Variants in SNX25 observed in about 807,000 individuals in gnomAD.
SNX25 encodes the protein sorting nexin-25.
SNX25 carries 62 observed loss-of-function variants against 113.7 expected under a neutral mutation model. The observed-to-expected ratio is 0.55, with a 90% CI of 0.44 to 0.67. SNX25 has a LOEUF of 0.67. Ranked by LOEUF, SNX25 falls within the 30% of genes least tolerant of loss-of-function variation. The probability of loss-of-function intolerance (pLI) is 0.00; values close to 1 mark genes in which losing one functional copy is unlikely to be tolerated. For missense variants in SNX25, 1,014 were observed against 1,161.0 expected, an observed-to-expected ratio of 0.87 and a Z score of 1.84; for synonymous variants, 421 against 436.2, an observed-to-expected ratio of 0.97 and a Z score of 0.43.
chr4:185,337,772 T>C (rs2095239330), intron 10 of SNX25, among the ~76,000 whole-genome samples: 1 of 152,248 alleles, frequency 6.6e-6, no homozygotes, highest in Admixed American at 6.5e-5. Context: ...GTTATTTTCT[T>C]ATTTCATAAC....
At chr4:185,276,522 C>T (rs1437273154) in intron 5 of SNX25, among the ~76,000 whole-genome samples, 6 of 152,134 alleles carry the variant, frequency 3.9e-5, no homozygotes, top group African/African-American at 1.2e-4. Flanking sequence ...TAATGGAGAA[C>T]GTGGCCTATA....
At chr4:185,318,180 T>G (rs954280026) in intron 7 of SNX25, among the ~76,000 whole-genome samples, 1 of 152,182 alleles carries the variant, frequency 6.6e-6, no homozygotes, top group Non-Finnish European at 1.5e-5. Context: ...CTGGTGACAT[T>G]TCTGAAAATT....
chr4:185,367,946 G>A (rs1327776527), downstream of SNX25, among the ~76,000 whole-genome samples: 8 of 152,276 alleles, frequency 5.3e-5, no homozygotes, highest in East Asian at 1.9e-4. Context: ...TTGGGAGGCC[G>A]AGGTGGATGG....
intron 6 of SNX25, among the ~76,000 whole-genome samples, chr4:185,309,172 GC>G (rs1409649614): frequency 6.6e-6 from 1 of 152,132 alleles, no homozygotes; most frequent in Non-Finnish European, 1.5e-5. Context: ...GGTTCGGGGA[GC>G]CTCGGTTCCT....
upstream of SNX25, among the ~76,000 whole-genome samples, chr4:185,205,028 T>C (rs1737124603): frequency 6.6e-6 from 1 of 152,168 alleles, no homozygotes; most frequent in African/African-American, 2.4e-5. Context: ...CAAAGAAGGG[T>C]AGGAAATATG....
At chr4:185,250,640 A>G (rs1745496660) in intron 2 of SNX25, among the ~76,000 whole-genome samples, 1 of 151,924 alleles carries the variant, frequency 6.6e-6, no homozygotes. Flanking sequence ...TCAATAATAG[A>G]TTCCCTTCTA....
chr4:185,240,218 T>TC (rs1169225427), intron 1 of SNX25, among the ~76,000 whole-genome samples: 11 of 151,952 alleles, frequency 7.2e-5, no homozygotes, highest in Non-Finnish European at 1.3e-4. Context: ...TCCCCACCTT[T>TC]CCCCCCTTTC....
At chr4:185,220,389 G>A (rs985019336) in intron 1 of SNX25, among the ~76,000 whole-genome samples, 11 of 151,524 alleles carry the variant, frequency 7.3e-5, no homozygotes, top group Admixed American at 2.0e-4. Flanking sequence ...CCATTAACTC[G>A]TCATTTAGCA....
chr4:185,295,436 A>T (rs2126629564), intron 6 of SNX25, among the ~76,000 whole-genome samples: 1 of 149,118 alleles, frequency 6.7e-6, no homozygotes, highest in Admixed American at 6.8e-5. Context: ...CCATATAAAG[A>T]TGTTTCTGGT....
chr4:185,219,719 C>T (rs1739485325), intron 1 of SNX25, among the ~76,000 whole-genome samples: 1 of 152,170 alleles, frequency 6.6e-6, no homozygotes, highest in South Asian at 2.1e-4. Context: ...CCAGGACTTT[C>T]TCTAGTCCCC....
intron 8 of SNX25, among the ~76,000 whole-genome samples, chr4:185,321,315 T>G (rs1248319223): frequency 2.7e-5 from 4 of 150,204 alleles, no homozygotes. Context: ...CAGGCTGGAG[T>G]GCAGTGGGGC....
chr4:185,310,226 A>G (rs1157782413), intron 6 of SNX25, among the ~76,000 whole-genome samples: 1 of 152,222 alleles, frequency 6.6e-6, no homozygotes, highest in Non-Finnish European at 1.5e-5. Context: ...TTAAAAGTCC[A>G]TGAGAGCCAA....
At chr4:185,321,338 C>T (rs761443408) in intron 8 of SNX25, among the ~76,000 whole-genome samples, 4 of 151,172 alleles carry the variant, frequency 2.6e-5, no homozygotes, top group Non-Finnish European at 4.4e-5. Flanking sequence ...TCTCGGCTCA[C>T]TGCAACCTCA....
At chr4:185,323,152 A>C (rs973579219) in intron 8 of SNX25, among the ~76,000 whole-genome samples, 9 of 152,200 alleles carry the variant, frequency 5.9e-5, no homozygotes, top group Non-Finnish European at 1.2e-4. Context: ...GGGATGAGAA[A>C]TGGCACTTCT....
At chr4:185,219,747 C>A (rs1398395933) in intron 1 of SNX25, among the ~76,000 whole-genome samples, 1 of 152,068 alleles carries the variant, frequency 6.6e-6, no homozygotes, top group African/African-American at 2.4e-5. Flanking sequence ...AGCTGCTACA[C>A]ATAAGCCACC....
chr4:185,259,175 C>A, intron 3 of SNX25, 111 bp downstream of exon 3: 1 of 866,644 alleles, frequency 1.2e-6, no homozygotes, highest in Non-Finnish European at 1.8e-6. Flanking sequence ...CTGGCACTTG[C>A]TTGAAAATGT....
intron 7 of SNX25, among the ~76,000 whole-genome samples, chr4:185,314,057 G>C (rs1407043734): frequency 6.6e-6 from 1 of 152,152 alleles, no homozygotes; most frequent in Non-Finnish European, 1.5e-5. Context: ...GCTGTGTCAG[G>C]GGCGGCAGAT....
chr4:185,282,109 C>T (rs1324816248), intron 5 of SNX25, among the ~76,000 whole-genome samples: 2 of 152,116 alleles, frequency 1.3e-5, no homozygotes, highest in South Asian at 2.1e-4. Context: ...TTTTATAAAA[C>T]AGTGTTTTAA....
intron 7 of SNX25, among the ~76,000 whole-genome samples, chr4:185,320,438 G>GAGGGGA (rs894940508): frequency 6.6e-6 from 1 of 152,048 alleles, no homozygotes; most frequent in African/African-American, 2.4e-5. Context: ...AGAACACATG[G>GAGGGGA]ACACAGGGAG....
Sources: gnomAD v4.1 joint callset for allele counts (sites outside exome capture counted in the v4.1 genomes callset) on GRCh38, gnomAD v4.1.1 for gene constraint, MANE v1.5 for transcripts, NCBI Gene and HGNC (gene_info 2026-07-23, HGNC 2026-07-21) for gene names.